SEMA3D: variants seen among roughly 807,000 people sequenced by gnomAD.
SEMA3D encodes the protein semaphorin 3D, also known as semaphorin-3D.
Under a neutral mutation model 100.1 loss-of-function variants are expected in SEMA3D, and 84 were observed. The ratio of observed to expected loss-of-function variants is 0.84; its 90% CI spans 0.70 to 1.01. The LOEUF (loss-of-function observed/expected upper bound fraction) is 1.01. SEMA3D is among the 50% of genes least tolerant of loss of function. The probability of loss-of-function intolerance (pLI) is 0.00; values close to 1 mark genes in which losing one functional copy is unlikely to be tolerated. For missense variants in SEMA3D, 875 were observed against 934.1 expected, an observed-to-expected ratio of 0.94 and a Z score of 0.82; for synonymous variants, 312 against 320.7, an observed-to-expected ratio of 0.97 and a Z score of 0.29.
the SEMA3D span, among the ~76,000 whole-genome samples, chr7:85,219,643 C>T: frequency 6.6e-6 from 1 of 152,018 alleles, no homozygotes; most frequent in East Asian, 1.9e-4. Context: ...TACAGGCACA[C>T]ACTCACAGGA....
intron 1 of SEMA3D, among the ~76,000 whole-genome samples, chr7:85,171,213 G>C (rs1192118649): frequency 1.3e-5 from 2 of 152,010 alleles, no homozygotes; most frequent in African/African-American, 4.8e-5. Flanking sequence ...ATCCATTGCT[G>C]TAGACTAGGG....
intron 4 of SEMA3D, among the ~76,000 whole-genome samples, chr7:85,087,370 C>A (rs1374501394): frequency 2.6e-5 from 4 of 152,134 alleles, no homozygotes; most frequent in African/African-American, 4.8e-5. Context: ...TCTTTGGGAC[C>A]TTAGAGCCTT....
At chr7:85,199,323 C>T in the SEMA3D span, among the ~76,000 whole-genome samples, 2 of 74,934 alleles carry the variant, frequency 2.7e-5, no homozygotes, top group South Asian at 7.0e-4. Context: ...TCGTTATTAT[C>T]ATTATTTGCT....
At chr7:85,207,208 G>C in the SEMA3D span, among the ~76,000 whole-genome samples, 1 of 152,000 alleles carries the variant, frequency 6.6e-6, no homozygotes, top group African/African-American at 2.4e-5. Flanking sequence ...AGAATTACTG[G>C]TCATAAGTAG....
intron 1 of SEMA3D, among the ~76,000 whole-genome samples, chr7:85,185,900 G>A (rs1199344578): frequency 6.6e-6 from 1 of 152,136 alleles, no homozygotes; most frequent in Non-Finnish European, 1.5e-5. Context: ...GTCAAATCCG[G>A]CCTTTCCAAA....
In SEMA3D at chr7:85,038,104, G is replaced by T. The variant is rs1040330205; in HGVS notation, c.1047-1071C>A. 5.9e-5 allele frequency among the ~76,000 whole-genome samples: 9 copies of T among 152,044 alleles called. No individual in the cohort carries two copies. In the South Asian group the frequency reaches 1.9e-3, roughly 32 times the overall value. On this transcript the variant is annotated intron_variant, in intron 11 of 18. Transcript: ENST00000284136. ...GGAGATACGTCTAATGTTAAATGACGAGTTACTGGGTGCAGCACACCAACA... is the reference window on the plus strand; with the variant it reads ...GGAGATACGTCTAATGTTAAATGACTAGTTACTGGGTGCAGCACACCAACA...
At chr7:85,040,809 C>T (rs1304458072) in intron 10 of SEMA3D, 67 bp from the exon 11 acceptor site, 2 of 747,316 alleles carry the variant, frequency 2.7e-6, no homozygotes, top group Admixed American at 2.2e-5. Flanking sequence ...TTGTTAATAA[C>T]ACAACTGAAA....
the SEMA3D span, among the ~76,000 whole-genome samples, chr7:85,211,680 T>C: frequency 6.6e-6 from 1 of 152,060 alleles, no homozygotes; most frequent in Non-Finnish European, 1.5e-5. Flanking sequence ...GTTTGAACTG[T>C]GTGCGTGTGC....
the SEMA3D span, among the ~76,000 whole-genome samples, chr7:85,240,565 G>A: frequency 6.6e-6 from 1 of 152,136 alleles, no homozygotes; most frequent in South Asian, 2.1e-4. Context: ...GCAAAGAATT[G>A]GCATAATTTC....
intron 1 of SEMA3D, among the ~76,000 whole-genome samples, chr7:85,179,471 A>G (rs1791333472): frequency 6.6e-6 from 1 of 152,094 alleles, no homozygotes; most frequent in African/African-American, 2.4e-5. Context: ...TTTAATGACT[A>G]CTTTATTGAA....
At chr7:85,168,035 A>T (rs1790959689) in intron 1 of SEMA3D, among the ~76,000 whole-genome samples, 3 of 151,924 alleles carry the variant, frequency 2.0e-5, no homozygotes, top group Non-Finnish European at 4.4e-5. Context: ...TTTGATAACG[A>T]CATATATTTT....
At chr7:85,066,496 T>G (rs1791624209) in intron 7 of SEMA3D, among the ~76,000 whole-genome samples, 2 of 151,474 alleles carry the variant, frequency 1.3e-5, no homozygotes, top group East Asian at 2.0e-4. Context: ...CTAATGTTAG[T>G]CAGGGTGTTG....
At chr7:85,219,710 T>G in the SEMA3D span, among the ~76,000 whole-genome samples, 1 of 152,078 alleles carries the variant, frequency 6.6e-6, no homozygotes, top group Non-Finnish European at 1.5e-5. Flanking sequence ...TCAAAATATA[T>G]GCTTGCCATT....
chr7:85,205,382 T>C, the SEMA3D span, among the ~76,000 whole-genome samples: 2 of 152,180 alleles, frequency 1.3e-5, no homozygotes, highest in East Asian at 1.9e-4. Context: ...TAGCTTAATT[T>C]AATCATTATA....
At chr7:85,226,553 T>C in the SEMA3D span, among the ~76,000 whole-genome samples, 1 of 152,186 alleles carries the variant, frequency 6.6e-6, no homozygotes, top group East Asian at 1.9e-4. Flanking sequence ...ACACATTAGA[T>C]AACATATTTG....
At chr7:85,158,529 GC>G (rs2116510523) in intron 1 of SEMA3D, among the ~76,000 whole-genome samples, 1 of 152,230 alleles carries the variant, frequency 6.6e-6, no homozygotes, top group Non-Finnish European at 1.5e-5. Context: ...CAATGACAAT[GC>G]CTGCCTGAAA....
the SEMA3D span, among the ~76,000 whole-genome samples, chr7:85,215,465 C>T: frequency 1.3e-5 from 2 of 152,076 alleles, no homozygotes. Flanking sequence ...TTGTATTAAA[C>T]TACTTTGTTC....
intron 4 of SEMA3D, among the ~76,000 whole-genome samples, chr7:85,087,080 A>AC (rs1413538558): frequency 6.6e-6 from 1 of 152,236 alleles, no homozygotes; most frequent in Non-Finnish European, 1.5e-5. Context: ...TGTCTTGCAC[A>AC]CAGTATCCTG....
At chr7:85,150,369 T>A (rs868730167) in intron 2 of SEMA3D, among the ~76,000 whole-genome samples, 41 of 94,624 alleles carry the variant, frequency 4.3e-4, no homozygotes, top group South Asian at 1.0e-3. Context: ...ATATATATAT[T>A]ATATATATAT....
Sources: allele counts gnomAD v4.1 joint callset (sites outside exome capture counted in the v4.1 genomes callset), GRCh38; gene constraint gnomAD v4.1.1; transcripts MANE v1.5; gene names NCBI Gene and HGNC (gene_info 2026-07-23, HGNC 2026-07-21).